RNF130: variants seen among roughly 807,000 people sequenced by gnomAD.
The protein encoded by RNF130 is ring finger protein 130.
RNF130 carries 21 observed loss-of-function variants against 44.6 expected under a neutral mutation model. The observed-to-expected ratio is 0.47, with a 90% CI of 0.33 to 0.68. RNF130 has a LOEUF of 0.68. RNF130 is among the 30% of genes least tolerant of loss of function. RNF130 has a pLI of 0.02. For missense variants in RNF130, 479 were observed against 560.6 expected, an observed-to-expected ratio of 0.85 and a Z score of 1.47; for synonymous variants, 214 against 210.4, an observed-to-expected ratio of 1.02 and a Z score of -0.15.
intron 6 of RNF130, 47 bp from the exon 7 acceptor site, chr5:179,967,057 C>G: frequency 6.6e-7 from 1 of 1,510,072 alleles, no homozygotes; most frequent in Non-Finnish European, 9.2e-7. Flanking sequence ...AAAACACAAC[C>G]TTTCATAAGA....
chr5:180,046,044 G>T (rs71613438), intron 1 of RNF130, among the ~76,000 whole-genome samples: 10 of 152,210 alleles, frequency 6.6e-5, no homozygotes, highest in South Asian at 6.2e-4. Flanking sequence ...GTGGACGGAG[G>T]GGGGTGGGGC....
At chr5:179,939,721 A>ACGGAAATCCACTTCCAAAAGG (rs1761945421) in intron 7 of RNF130, 1 of 451,378 alleles carries the variant, frequency 2.2e-6, no homozygotes, top group African/African-American at 2.1e-5. Flanking sequence ...CTTCCAAAAG[A>ACGGAAATCCACTTCCAAAAGG]CGGAAATCCA....
intron 2 of RNF130, among the ~76,000 whole-genome samples, chr5:180,019,825 A>G (rs1437073124): frequency 6.6e-6 from 1 of 152,198 alleles, no homozygotes; most frequent in Non-Finnish European, 1.5e-5. Flanking sequence ...CAGAAAAATA[A>G]AGTGCAAACT....
At chr5:180,021,536 T>C (rs748890566) in intron 2 of RNF130, among the ~76,000 whole-genome samples, 2 of 152,088 alleles carry the variant, frequency 1.3e-5, no homozygotes, top group Non-Finnish European at 2.9e-5. Context: ...ATTCTTAAAA[T>C]GTGCAAAGAC....
At chr5:179,931,760 G>A (rs1414632022) in intron 7 of RNF130, among the ~76,000 whole-genome samples, 4 of 136,228 alleles carry the variant, frequency 2.9e-5, no homozygotes, top group African/African-American at 1.2e-4. Flanking sequence ...GGGCGACAGA[G>A]CCAGACTCTG....
chr5:179,972,392 G>A (rs1289488281), intron 5 of RNF130, among the ~76,000 whole-genome samples: 2 of 152,188 alleles, frequency 1.3e-5, no homozygotes, highest in East Asian at 1.9e-4. Flanking sequence ...TGGGGTGGCC[G>A]GGAAGGTGCT....
intron 1 of RNF130, among the ~76,000 whole-genome samples, chr5:180,055,532 A>G (rs1764799625): frequency 6.6e-6 from 1 of 151,944 alleles, no homozygotes; most frequent in South Asian, 2.1e-4. Flanking sequence ...CAGTTGTCCT[A>G]AATAAAGAGA....
chr5:180,021,805 T>A (rs564779912), intron 2 of RNF130, among the ~76,000 whole-genome samples: 39 of 152,164 alleles, frequency 2.6e-4, no homozygotes, highest in Admixed American at 1.3e-3. Flanking sequence ...AATAAGGAGC[T>A]TAACACTGAT....
Position 180,040,655 on chromosome 5 carries a change from G to A in RNF130, c.248-8C>T. ...AGCCCAGATGATCAGCAACTGAAAA[G>A]AAAAAGAAATACACACATTAAAGAT... is the stretch of plus-strand genomic sequence containing the variant. On this transcript the variant is annotated splice_polypyrimidine_tract_variant and splice_region_variant and intron_variant, in intron 1 of 8. Transcript: ENST00000521389. 6.2e-7 allele frequency: 1 copy of A among 1,606,070 alleles called. No individual in the cohort carries two copies. The highest frequency in any genetic ancestry group is 1.7e-5 in the Admixed American group (1 of 58,010).
At chr5:179,990,811 T>A (rs1402145945) in intron 3 of RNF130, among the ~76,000 whole-genome samples, 1 of 152,214 alleles carries the variant, frequency 6.6e-6, no homozygotes, top group South Asian at 2.1e-4. Context: ...TATCTCTGTA[T>A]GGCCTGGTTT....
intron 3 of RNF130, among the ~76,000 whole-genome samples, chr5:179,991,134 T>G (rs394616): frequency 0.13 from 19,228 of 152,152 alleles, 1,376 homozygotes; most frequent in East Asian, 0.27. Context: ...TCTTCTGGCT[T>G]GTGTAGTGTA....
At chr5:180,071,254 G>A (rs1276052464) in intron 1 of RNF130, among the ~76,000 whole-genome samples, 4 of 152,378 alleles carry the variant, frequency 2.6e-5, no homozygotes, top group African/African-American at 4.8e-5. Flanking sequence ...TTTAAAAGAA[G>A]GGAAAAACCC....
In RNF130 at chr5:179,980,373, T is replaced by C. The variant is rs1762804418; in HGVS notation, c.694-173A>G. 8.5e-6 allele frequency: 5 copies of C among 588,860 alleles called. No homozygotes were observed. The South Asian group carries it at 1.1e-4, about 13-fold the overall frequency. 36.5% of individuals were successfully genotyped at this position (588,860 alleles called of 1,614,324 possible). A position where few individuals can be genotyped will look rare whatever the true frequency, so the allele number is the denominator to read the frequency against. ...TGGTGGCTGTATCAAGATTCAGCAT[T>C]CTGGTTGAAAAGTAAAAAGTGTTAG... On this transcript the variant is annotated intron_variant, in intron 3 of 8. Transcript: ENST00000521389.
intron 2 of RNF130, among the ~76,000 whole-genome samples, chr5:180,035,457 G>T (rs368602894): frequency 6.6e-6 from 1 of 152,336 alleles, no homozygotes; most frequent in East Asian, 1.9e-4. Context: ...ATGTGTGCCT[G>T]AAATGAATGT....
intron 2 of RNF130, among the ~76,000 whole-genome samples, chr5:180,031,752 T>C (rs1033631520): frequency 2.0e-5 from 3 of 152,268 alleles, no homozygotes; most frequent in Non-Finnish European, 4.4e-5. Flanking sequence ...ATTGTTTTCA[T>C]TTCTCTTAGA....
chr5:179,911,894 C>T (rs1023271587), exon 8 of RNF130: 16 of 152,298 alleles, frequency 1.1e-4, no homozygotes, highest in Middle Eastern at 3.4e-3. Context: ...AAAACTCCCC[C>T]GACAGGGAGG....
chr5:179,951,380 T>C (rs955273090), downstream of RNF130, among the ~76,000 whole-genome samples: 3 of 126,850 alleles, frequency 2.4e-5, no homozygotes, highest in African/African-American at 5.7e-5. Flanking sequence ...AAGAGCAGAA[T>C]AGGTTTTTGT....
At position 180,021,052 on chromosome 5, in the gene RNF130, G is replaced by GCAATCTCT. The variant is rs1460603981; in HGVS notation, c.443-7742_443-7741insAGAGATTG. On this transcript the variant is annotated intron_variant, in intron 2 of 8. Coordinates refer to ENST00000521389, the MANE Select transcript of RNF130 (RefSeq NM_018434.6). Reference sequence around the variant, plus strand: ...GCTGGAGTGCAGTGGCGCAATCTCTGCCTCGCGGGTTCAACTGATTCTACT... The same window carrying GCAATCTCT: ...GCTGGAGTGCAGTGGCGCAATCTCTGCAATCTCTCCTCGCGGGTTCAACTGATTCTACT... 1.6e-3 allele frequency among the ~76,000 whole-genome samples: 48 copies of GCAATCTCT among 29,840 alleles called. 1 individual carries two copies. Among genetic ancestry groups the GCAATCTCT allele is most frequent in the African/African-American group, 6.2e-3 (48 of 7,690 alleles). 19.6% of individuals were successfully genotyped at this position (29,840 alleles called of 152,430 possible).
intron 2 of RNF130, among the ~76,000 whole-genome samples, chr5:180,018,749 G>A (rs1763800323): frequency 6.6e-6 from 1 of 152,178 alleles, no homozygotes; most frequent in African/African-American, 2.4e-5. Context: ...CCAGGGATCT[G>A]CTGACCAACA....
Sources: allele counts gnomAD v4.1 joint callset (sites outside exome capture counted in the v4.1 genomes callset), GRCh38; gene constraint gnomAD v4.1.1; transcripts MANE v1.5; gene names NCBI Gene and HGNC (gene_info 2026-07-23, HGNC 2026-07-21).